GLIS3: variants seen among roughly 807,000 people sequenced by gnomAD.
GLIS3 encodes GLIS family zinc finger 3.
A neutral mutation model predicts 78.6 loss-of-function variants in GLIS3; 53 were observed. The ratio of observed to expected loss-of-function variants is 0.67; its 90% CI spans 0.54 to 0.85. The LOEUF is 0.85. Among genes scored for constraint, GLIS3 ranks in the 40% least tolerant of loss-of-function variants. The probability of loss-of-function intolerance (pLI) is 0.00; values close to 1 mark genes in which losing one functional copy is unlikely to be tolerated. For synonymous variants in GLIS3, 684 were observed against 509.9 expected, an observed-to-expected ratio of 1.34 and a Z score of -4.60; for missense variants, 1,703 against 1,231.1, an observed-to-expected ratio of 1.38 and a Z score of -5.74.
the GLIS3 span, among the ~76,000 whole-genome samples, chr9:4,379,348 T>C: frequency 1.3e-5 from 2 of 152,248 alleles, no homozygotes; most frequent in Non-Finnish European, 2.9e-5. Context: ...GCTACTGTTA[T>C]TTAAAATGTT....
At chr9:4,107,362 C>T (rs189008161) in intron 4 of GLIS3, among the ~76,000 whole-genome samples, 1 of 152,212 alleles carries the variant, frequency 6.6e-6, no homozygotes, top group African/African-American at 2.4e-5. Context: ...TGACTGAGTG[C>T]TGCCGAATGG....
chr9:4,469,571 A>AT, the GLIS3 span, among the ~76,000 whole-genome samples: 1 of 152,206 alleles, frequency 6.6e-6, no homozygotes, highest in Non-Finnish European at 1.5e-5. Context: ...AGAAATAAAG[A>AT]TGTTCTTTGA....
intron 2 of GLIS3, among the ~76,000 whole-genome samples, chr9:4,197,372 A>G (rs1030018534): frequency 6.6e-6 from 1 of 151,420 alleles, no homozygotes; most frequent in African/African-American, 2.4e-5. Flanking sequence ...ATCATGGTAC[A>G]GGGAGGCATT....
intron 8 of GLIS3, among the ~76,000 whole-genome samples, chr9:3,870,630 A>G (rs570467659): frequency 1.3e-5 from 2 of 152,348 alleles, no homozygotes; most frequent in South Asian, 4.1e-4. Flanking sequence ...ACCCCCTGAT[A>G]AAACCATCAG....
the GLIS3 span, among the ~76,000 whole-genome samples, chr9:4,363,997 C>T: frequency 3.3e-5 from 5 of 152,180 alleles, no homozygotes; most frequent in Non-Finnish European, 5.9e-5. Context: ...CTAAATTTCC[C>T]TTTGGTAGCC....
the GLIS3 span, among the ~76,000 whole-genome samples, chr9:4,373,738 G>A: frequency 0.28 from 42,311 of 149,594 alleles, 6,379 homozygotes; most frequent in African/African-American, 0.37. Flanking sequence ...GCACGATCTC[G>A]GCTCATGCAA....
Position 4,212,720 on chromosome 9 carries a change from G to A in GLIS3, c.388+73318C>T, listed in dbSNP as rs1586994126. Among the ~76,000 whole-genome samples, 3 of 152,326 alleles carry A rather than the reference G, an allele frequency of 2.0e-5. No homozygotes were observed. In the South Asian group the frequency reaches 6.2e-4, roughly 32 times the overall value. Reference sequence around the variant, plus strand: ...GAAACAGCAGATACAGAAGCCTAGAGGCAAGAGAGATAGAACATGTGAGGA... The same window carrying A: ...GAAACAGCAGATACAGAAGCCTAGAAGCAAGAGAGATAGAACATGTGAGGA... On this transcript the variant is annotated intron_variant, in intron 2 of 10. Coordinates refer to ENST00000381971, the MANE Select transcript of GLIS3 (RefSeq NM_001042413.2).
chr9:3,918,669 TGTAACCTAGG>T (rs1359590773), intron 6 of GLIS3, among the ~76,000 whole-genome samples: 1 of 152,192 alleles, frequency 6.6e-6, no homozygotes, highest in Non-Finnish European at 1.5e-5. Flanking sequence ...CTTGCTAGTG[TGTAACCTAGG>T]GTAAAATCTC....
rs116196382 is a variant in GLIS3, at chr9:4,262,581, G to A, written c.388+23457C>T. Among the ~76,000 whole-genome samples the A allele has an allele frequency of 9.9e-3, 1,500 of 152,130 alleles. 27 individuals are homozygous for A. The highest frequency in any genetic ancestry group is 0.034 in the African/African-American group (1,401 of 41,494). On this transcript the variant is annotated intron_variant, in intron 2 of 10. Coordinates refer to ENST00000381971, the MANE Select transcript of GLIS3 (RefSeq NM_001042413.2). ...TCCAAACAACTCAATAAATATTTAC[G>A]TCCTAACAACTTAGTAACTATTTGA...
At chr9:4,173,654 T>C (rs2131140227) in intron 2 of GLIS3, among the ~76,000 whole-genome samples, 1 of 150,092 alleles carries the variant, frequency 6.7e-6, no homozygotes, top group Non-Finnish European at 1.5e-5. Flanking sequence ...TAGAGTGCAG[T>C]GGCACAAACA....
intron 8 of GLIS3, among the ~76,000 whole-genome samples, chr9:3,856,481 G>C (rs1023131627): frequency 5.3e-5 from 8 of 152,260 alleles, no homozygotes; most frequent in Non-Finnish European, 7.4e-5. Context: ...ACTATGTTTG[G>C]TGAAATTCAA....
intron 8 of GLIS3, among the ~76,000 whole-genome samples, chr9:3,877,604 C>T (rs1821403391): frequency 6.6e-6 from 1 of 152,150 alleles, no homozygotes; most frequent in South Asian, 2.1e-4. Context: ...TTGTATTTTT[C>T]AGTTTCTATT....
At chr9:4,474,808 C>T in the GLIS3 span, among the ~76,000 whole-genome samples, 1 of 150,466 alleles carries the variant, frequency 6.6e-6, no homozygotes, top group Non-Finnish European at 1.5e-5. Context: ...GTGATCCTCC[C>T]ACATCAGCCT....
At chr9:4,199,590 T>C (rs1415150088) in intron 2 of GLIS3, among the ~76,000 whole-genome samples, 1 of 151,350 alleles carries the variant, frequency 6.6e-6, no homozygotes, top group African/African-American at 2.4e-5. Context: ...TGGGGCTCAA[T>C]TCAACAAGAA....
At chr9:4,267,997 G>A (rs980782965) in intron 2 of GLIS3, among the ~76,000 whole-genome samples, 2 of 151,616 alleles carry the variant, frequency 1.3e-5, no homozygotes, top group Non-Finnish European at 2.9e-5. Context: ...GTATATATAT[G>A]TGTGTGAATA....
intron 4 of GLIS3, among the ~76,000 whole-genome samples, chr9:4,058,313 T>TA (rs897063813): frequency 1.3e-5 from 2 of 151,718 alleles, no homozygotes; most frequent in African/African-American, 2.4e-5. Flanking sequence ...CAATAAGGCA[T>TA]AAAAAAAAGC....
At chr9:4,297,246 A>T (rs1265704494) in intron 1 of GLIS3, among the ~76,000 whole-genome samples, 1 of 152,220 alleles carries the variant, frequency 6.6e-6, no homozygotes, top group Non-Finnish European at 1.5e-5. Flanking sequence ...GAGGGGACAG[A>T]ACCAGACTTT....
intron 2 of GLIS3, among the ~76,000 whole-genome samples, chr9:4,195,000 G>C (rs1045178372): frequency 2.0e-5 from 3 of 152,222 alleles, no homozygotes; most frequent in African/African-American, 7.2e-5. Flanking sequence ...CCCAGAGATT[G>C]CAGTGCCTTC....
At chr9:4,430,296 AGAAGTTC>A in the GLIS3 span, among the ~76,000 whole-genome samples, 1 of 152,344 alleles carries the variant, frequency 6.6e-6, no homozygotes, top group East Asian at 1.9e-4. Flanking sequence ...TGTTTTTTAG[AGAAGTTC>A]AAAGCTGCAT....
Sources: allele counts gnomAD v4.1 joint callset (sites outside exome capture counted in the v4.1 genomes callset), GRCh38; gene constraint gnomAD v4.1.1; transcripts MANE v1.5; gene names NCBI Gene and HGNC (gene_info 2026-07-23, HGNC 2026-07-21).